TRPS1: variants seen among roughly 807,000 people sequenced by gnomAD.
TRPS1 encodes the protein transcriptional repressor GATA binding 1.
In TRPS1, 6 loss-of-function variants were observed where a neutral mutation model predicts 101.2. The observed-to-expected ratio is 0.06, with a 90% CI of 0.03 to 0.12. The LOEUF is 0.12. Among genes scored for constraint, TRPS1 ranks in the 10% least tolerant of loss-of-function variants. The pLI, the probability that TRPS1 is intolerant of heterozygous loss-of-function variation, is 1.00. For synonymous variants in TRPS1, 578 were observed against 589.8 expected, an observed-to-expected ratio of 0.98 and a Z score of 0.29; for missense variants, 1,363 against 1,567.0, an observed-to-expected ratio of 0.87 and a Z score of 2.20.
At chr8:115,597,118 T>C (rs1363332623) in intron 4 of TRPS1, among the ~76,000 whole-genome samples, 1 of 151,968 alleles carries the variant, frequency 6.6e-6, no homozygotes, top group Admixed American at 6.6e-5. Context: ...AAAAATGCAA[T>C]TATGAACATT....
intron 1 of TRPS1, among the ~76,000 whole-genome samples, chr8:115,639,621 G>A (rs1037239083): frequency 2.6e-5 from 4 of 151,072 alleles, no homozygotes; most frequent in African/African-American, 9.8e-5. Context: ...TTGAGTCCAG[G>A]AGTTGGAAAC....
At chr8:115,645,150 T>C (rs1287236113) in intron 1 of TRPS1, among the ~76,000 whole-genome samples, 2 of 152,124 alleles carry the variant, frequency 1.3e-5, no homozygotes, top group Non-Finnish European at 2.9e-5. Flanking sequence ...CAAATCTTTA[T>C]TTATAAAAAA....
chr8:115,442,159 A>C (rs1032845817), intron 5 of TRPS1, among the ~76,000 whole-genome samples: 1 of 152,158 alleles, frequency 6.6e-6, no homozygotes, highest in Non-Finnish European at 1.5e-5. Context: ...TTTAGTCTAC[A>C]TGATGTAGTG....
chr8:115,451,045 C>T (rs1043770540), intron 5 of TRPS1, among the ~76,000 whole-genome samples: 32 of 152,172 alleles, frequency 2.1e-4, no homozygotes, highest in Admixed American at 2.1e-3. Context: ...CAAATTCTTC[C>T]CCTTGCCTAT....
chr8:115,498,855 A>T (rs1169889401), intron 5 of TRPS1, among the ~76,000 whole-genome samples: 1 of 152,094 alleles, frequency 6.6e-6, no homozygotes, highest in Non-Finnish European at 1.5e-5. Context: ...TTGTTAACTG[A>T]AGTTGTAATA....
In TRPS1 at chr8:115,410,052, G is replaced by A. The variant is rs1364471969; in HGVS notation, c.*3971C>T. 1 of 151,620 alleles carries A rather than the reference G, an allele frequency of 6.6e-6. No homozygotes were observed. The highest frequency in any genetic ancestry group is 1.5e-5 in the Non-Finnish European group (1 of 67,934). 9.4% of individuals were successfully genotyped at this position (151,620 alleles called of 1,614,324 possible). A position where few individuals can be genotyped will look rare whatever the true frequency, so the allele number is the denominator to read the frequency against. ...TTCTTTACTCCACATTTCCACCACTGGATGGCAGATATTCCCCCTCTAGAA... is the reference window on the plus strand; with the variant it reads ...TTCTTTACTCCACATTTCCACCACTAGATGGCAGATATTCCCCCTCTAGAA... On this transcript the variant is annotated 3_prime_UTR_variant, in exon 7 of 7. Transcript: ENST00000395715.
chr8:115,456,193 C>T lies in TRPS1; in HGVS notation c.2701-37741G>A, dbSNP rs948187583. On this transcript the variant is annotated intron_variant, in intron 5 of 6. Coordinates refer to ENST00000395715, the MANE Select transcript of TRPS1 (RefSeq NM_014112.5). ...TTGCAGTTTTTTTCTATTAGGTATC[C>T]TGTGCAACGAAGTGTGGAATATAAA... is the stretch of plus-strand genomic sequence containing the variant. 3.9e-5 allele frequency among the ~76,000 whole-genome samples: 6 copies of T among 152,144 alleles called. No individual in the cohort carries two copies. The East Asian group carries it at 9.7e-4, about 24-fold the overall frequency.
chr8:115,644,118 G>C (rs1402996195), intron 1 of TRPS1, among the ~76,000 whole-genome samples: 2 of 152,164 alleles, frequency 1.3e-5, no homozygotes, highest in African/African-American at 2.4e-5. Context: ...CCACAGAGTA[G>C]ATTTAGCATA....
chr8:115,504,970 C>T (rs1815405975), intron 5 of TRPS1, among the ~76,000 whole-genome samples: 1 of 152,034 alleles, frequency 6.6e-6, no homozygotes, highest in African/African-American at 2.4e-5. Flanking sequence ...TTATAAGGCA[C>T]AGCATATATA....
intron 5 of TRPS1, among the ~76,000 whole-genome samples, chr8:115,505,386 C>T (rs3808423): frequency 0.56 from 84,395 of 151,732 alleles, 24,129 homozygotes; most frequent in East Asian, 0.84. Context: ...TTTTAATATA[C>T]AAGAATTCTT....
At chr8:115,558,740 A>G (rs1367038141) in intron 5 of TRPS1, among the ~76,000 whole-genome samples, 1 of 152,158 alleles carries the variant, frequency 6.6e-6, no homozygotes, top group Non-Finnish European at 1.5e-5. Flanking sequence ...GTTTTATGAC[A>G]AATTGCATAC....
chr8:115,575,907 G>T lies in TRPS1; in HGVS notation c.2700+11094C>A, dbSNP rs1817307256. Among the ~76,000 whole-genome samples, 4 of 151,954 alleles carry T rather than the reference G, an allele frequency of 2.6e-5. No homozygotes were observed. The South Asian group carries it at 8.3e-4, about 32-fold the overall frequency. On this transcript the variant is annotated intron_variant, in intron 5 of 6. Transcript: ENST00000395715. ...CAGCTGGGATTAGAGTCTATTCATG[G>T]ACTCATAAGAAATTTGCACCCCACC...
chr8:115,519,597 G>A (rs538904648), intron 5 of TRPS1, among the ~76,000 whole-genome samples: 10 of 151,282 alleles, frequency 6.6e-5, no homozygotes, highest in Admixed American at 5.3e-4. Context: ...TAGATGTGGT[G>A]CCAACAAAAA....
At chr8:115,666,378 C>G (rs1811922048) in intron 1 of TRPS1, among the ~76,000 whole-genome samples, 1 of 151,700 alleles carries the variant, frequency 6.6e-6, no homozygotes, top group Non-Finnish European at 1.5e-5. Flanking sequence ...CATACAAACC[C>G]TGTATTTATT....
At chr8:115,536,281 G>C (rs1055525290) in intron 5 of TRPS1, among the ~76,000 whole-genome samples, 13 of 152,022 alleles carry the variant, frequency 8.6e-5, no homozygotes, top group Non-Finnish European at 1.8e-4. Flanking sequence ...AGCACTTTGG[G>C]AGGCCGAGGC....
At chr8:115,506,364 A>C (rs946197747) in intron 5 of TRPS1, among the ~76,000 whole-genome samples, 2 of 152,084 alleles carry the variant, frequency 1.3e-5, no homozygotes, top group Non-Finnish European at 2.9e-5. Flanking sequence ...TTGAGAATTG[A>C]AATTCACTTC....
chr8:115,444,141 A>G (rs570032353), intron 5 of TRPS1, among the ~76,000 whole-genome samples: 2 of 152,314 alleles, frequency 1.3e-5, no homozygotes, highest in African/African-American at 4.8e-5. Context: ...ATCACATGCC[A>G]GCTACAAAGA....
At chr8:115,528,774 G>GAT (rs1211670842) in intron 5 of TRPS1, among the ~76,000 whole-genome samples, 6 of 151,818 alleles carry the variant, frequency 4.0e-5, no homozygotes, top group South Asian at 4.1e-4. Context: ...GGCATATAAA[G>GAT]ATATATATAT....
At position 115,423,731 on chromosome 8, in the gene TRPS1, G is replaced by A. The variant is rs1170861016; in HGVS notation, c.2701-5279C>T. Reference sequence around the variant, plus strand: ...TTTCCAATTTAAGTTTTGCTTTTGGGAGACTTAAATCTTCAGTCAGCTATA... The same window carrying A: ...TTTCCAATTTAAGTTTTGCTTTTGGAAGACTTAAATCTTCAGTCAGCTATA... On this transcript the variant is annotated intron_variant, in intron 5 of 6. Coordinates refer to ENST00000395715, the MANE Select transcript of TRPS1 (RefSeq NM_014112.5). Among the ~76,000 whole-genome samples, 5 of 152,134 alleles carry A rather than the reference G, an allele frequency of 3.3e-5. No individual in the cohort carries two copies. In the South Asian group the frequency reaches 1.0e-3, roughly 32 times the overall value.
Sources: allele counts gnomAD v4.1 joint callset (sites outside exome capture counted in the v4.1 genomes callset), GRCh38; gene constraint gnomAD v4.1.1; transcripts MANE v1.5; gene names NCBI Gene and HGNC (gene_info 2026-07-23, HGNC 2026-07-21).